ADAM10: variants seen among roughly 807,000 people sequenced by gnomAD.
ADAM10 encodes the protein ADAM metallopeptidase domain 10.
Under a neutral mutation model 90.1 loss-of-function variants are expected in ADAM10, and 17 were observed. The observed-to-expected ratio is 0.19, with a 90% CI of 0.13 to 0.28. ADAM10 has a LOEUF of 0.28. Ranked by LOEUF, ADAM10 falls within the 10% of genes least tolerant of loss-of-function variation. The pLI is 1.00. For synonymous variants in ADAM10, 310 were observed against 298.6 expected (o/e 1.04, Z -0.40); for missense variants, 610 against 914.3 (o/e 0.67, Z 4.29).
intron 2 of ADAM10, among the ~76,000 whole-genome samples, chr15:58,695,002 C>G (rs530728881): frequency 6.6e-6 from 1 of 152,154 alleles, no homozygotes; most frequent in Non-Finnish European, 1.5e-5. Context: ...AAATGCACCT[C>G]TAACTATATA....
intron 10 of ADAM10, among the ~76,000 whole-genome samples, chr15:58,626,927 T>C (rs1190689823): frequency 6.6e-6 from 1 of 152,172 alleles, no homozygotes; most frequent in Admixed American, 6.5e-5. Flanking sequence ...ATAATTAATG[T>C]CACAGAACTG....
At chr15:58,632,174 T>C (rs1311530450) in intron 9 of ADAM10, among the ~76,000 whole-genome samples, 1 of 152,222 alleles carries the variant, frequency 6.6e-6, no homozygotes, top group East Asian at 1.9e-4. Context: ...GTATTTCATA[T>C]TTCTGTGTTG....
chr15:58,640,679 G>T, intron 8 of ADAM10, 98 bp downstream of exon 8: 1 of 1,127,042 alleles, frequency 8.9e-7, no homozygotes, highest in Non-Finnish European at 1.3e-6. Context: ...ATATTATACA[G>T]GCATCACTTT....
At chr15:58,648,082 G>C (rs1896598971) in intron 5 of ADAM10, among the ~76,000 whole-genome samples, 1 of 152,016 alleles carries the variant, frequency 6.6e-6, no homozygotes, top group South Asian at 2.1e-4. Context: ...CACAAAAAAG[G>C]GTAACTATGT....
intron 2 of ADAM10, among the ~76,000 whole-genome samples, chr15:58,690,356 T>C (rs1278112131): frequency 1.3e-5 from 2 of 152,190 alleles, no homozygotes; most frequent in African/African-American, 2.4e-5. Flanking sequence ...GCCACTTTTA[T>C]GCAACTCTGT....
rs780219725 is a variant in ADAM10 at position 58,688,766 on chromosome 15, T to TTATATATATATATATATATATA, written c.207-6453_207-6452insTATATATATATATATATATATA. Among the ~76,000 whole-genome samples, 180 of 121,778 alleles carry TTATATATATATATATATATATA rather than the reference T, an allele frequency of 1.5e-3. 3 individuals carry two copies. The highest frequency in any genetic ancestry group is 5.9e-3 in the African/African-American group (159 of 27,082). The allele number at this position is 121,778 out of a possible 152,430, so 79.9% of individuals were successfully genotyped here. ...ATAATTTCTAAAATGAAAAAAAAAA[T>TTATATATATATATATATATATA]TATATATATATATATATATATCTCT... On this transcript the variant is annotated intron_variant, in intron 2 of 15. Coordinates refer to ENST00000260408, the MANE Select transcript of ADAM10 (RefSeq NM_001110.4).
At chr15:58,748,929 G>A in intron 1 of ADAM10, 2 of 398,684 alleles carry the variant, frequency 5.0e-6, no homozygotes, top group East Asian at 3.6e-5. Context: ...CGGCGCGCCG[G>A]GTAAAGAACA....
chr15:58,646,242 T>C, intron 5 of ADAM10, 38 bp from the exon 6 acceptor site: 6 of 1,575,672 alleles, frequency 3.8e-6, no homozygotes, highest in Non-Finnish European at 5.2e-6. Flanking sequence ...ATTAGTATGC[T>C]TCAATACTAT....
intron 1 of ADAM10, among the ~76,000 whole-genome samples, chr15:58,728,153 C>G (rs1899103252): frequency 1.3e-5 from 2 of 152,134 alleles, no homozygotes; most frequent in Admixed American, 1.3e-4. Context: ...TGTTTTCTGA[C>G]TACAGGAGAA....
At chr15:58,664,774 C>G (rs1446555559) in intron 5 of ADAM10, among the ~76,000 whole-genome samples, 3 of 152,010 alleles carry the variant, frequency 2.0e-5, no homozygotes, top group African/African-American at 7.2e-5. Flanking sequence ...CCTTGGCAAA[C>G]CAAGGCAAGT....
intron 2 of ADAM10, among the ~76,000 whole-genome samples, chr15:58,690,436 C>T (rs1184149343): frequency 6.6e-6 from 1 of 152,088 alleles, no homozygotes. Context: ...TTGCTAATCC[C>T]CAGAAATGGT....
intron 8 of ADAM10, among the ~76,000 whole-genome samples, chr15:58,635,580 C>A (rs897683861): frequency 4.0e-5 from 6 of 151,836 alleles, no homozygotes; most frequent in South Asian, 2.1e-4. Flanking sequence ...GGAGCTCAGT[C>A]CTGAGAAGCA....
At chr15:58,714,080 A>T (rs542025404) in intron 2 of ADAM10, among the ~76,000 whole-genome samples, 2 of 152,290 alleles carry the variant, frequency 1.3e-5, no homozygotes, top group African/African-American at 4.8e-5. Context: ...CTGGGATTCC[A>T]GGCATGAGCC....
chr15:58,698,497 G>C (rs1259094079), intron 2 of ADAM10: 1 of 234,728 alleles, frequency 4.3e-6, no homozygotes, highest in African/African-American at 2.4e-5. Context: ...GATCGCTTCA[G>C]CCCAGAAGGC....
chr15:58,714,523 T>G (rs924018142), intron 2 of ADAM10, among the ~76,000 whole-genome samples: 2 of 152,142 alleles, frequency 1.3e-5, no homozygotes, highest in African/African-American at 4.8e-5. Flanking sequence ...CTTGATATTT[T>G]TTAAAGGGTG....
chr15:58,635,172 G>A (rs1164817396), intron 8 of ADAM10, among the ~76,000 whole-genome samples: 3 of 150,906 alleles, frequency 2.0e-5, no homozygotes, highest in Non-Finnish European at 4.4e-5. Context: ...CTACTCGGGA[G>A]GCTGAGGCAG....
chr15:58,725,675 G>GA (rs1231193284), intron 1 of ADAM10, among the ~76,000 whole-genome samples: 6 of 151,672 alleles, frequency 4.0e-5, no homozygotes, highest in Admixed American at 2.0e-4. Context: ...AAAGGAGCCA[G>GA]AAAAAAAAGA....
At chr15:58,713,166 T>C (rs1202758748) in intron 2 of ADAM10, among the ~76,000 whole-genome samples, 2 of 152,162 alleles carry the variant, frequency 1.3e-5, no homozygotes, top group Non-Finnish European at 1.5e-5. Flanking sequence ...AGTGGCACAA[T>C]CATGGCTCAC....
chr15:58,687,391 C>G (rs1897633108), intron 2 of ADAM10, among the ~76,000 whole-genome samples: 1 of 152,118 alleles, frequency 6.6e-6, no homozygotes, highest in East Asian at 1.9e-4. Flanking sequence ...ATGTGACCCA[C>G]AGAACATTGT....
Sources: allele counts gnomAD v4.1 joint callset (sites outside exome capture counted in the v4.1 genomes callset), GRCh38; gene constraint gnomAD v4.1.1; transcripts MANE v1.5; gene names NCBI Gene and HGNC (gene_info 2026-07-23, HGNC 2026-07-21).